Variants in DR1 observed in about 807,000 individuals in gnomAD.
DR1 encodes down-regulator of transcription 1, also known as protein Dr1.
A neutral mutation model predicts 19.9 loss-of-function variants in DR1; 7 were observed. The ratio of observed to expected loss-of-function variants is 0.35; its 90% confidence interval spans 0.20 to 0.66. The LOEUF is 0.66. Among genes scored for constraint, DR1 ranks in the 30% least tolerant of loss-of-function variants. The pLI is 0.66. For missense variants in DR1, 98 were observed against 203.7 expected (o/e 0.48, Z 3.16); for synonymous variants, 76 against 72.5 (o/e 1.05, Z -0.24).
rs55792701 is a variant in DR1, at chr1:93,362,826, CTTTTTTTT to C, written c.*2208_*2215del. ...GCAATATTTTATTTTTAGGTTTTTT[CTTTTTTTT>C]TTTTTTTTTTTTTTTTTTTTAGCAT... is the stretch of plus-strand genomic sequence containing the variant. On this transcript the variant is annotated 3_prime_UTR_variant, in exon 3 of 3. Transcript: ENST00000370272. 4.4e-4 allele frequency: 23 copies of C among 52,870 alleles called. No homozygotes were observed. The highest frequency in any genetic ancestry group is 1.7e-3 in the African/African-American group (21 of 12,652). The allele number at this position is 52,870 out of a possible 1,614,324, so 3.3% of individuals were successfully genotyped here.
intron 2 of DR1, 100 bp from the exon 3 acceptor site, chr1:93,360,392 TA>T: frequency 1.8e-6 from 2 of 1,111,642 alleles, no homozygotes; most frequent in Non-Finnish European, 2.5e-6. Context: ...CCAAGTATGA[TA>T]ATAAACTGTC....
rs932240494 is a variant in DR1 at position 93,364,640 on chromosome 1, A to G, written c.*4001A>G. 4.6e-5 allele frequency: 7 copies of G among 152,184 alleles called. No homozygotes were observed. The highest frequency in any genetic ancestry group is 2.0e-4 in the Admixed American group (3 of 15,276). 9.4% of individuals were successfully genotyped at this position (152,184 alleles called of 1,614,324 possible). A position where few individuals can be genotyped will look rare whatever the true frequency, so the allele number is the denominator to read the frequency against. On this transcript the variant is annotated 3_prime_UTR_variant, in exon 3 of 3. Coordinates refer to ENST00000370272, the MANE Select transcript of DR1 (RefSeq NM_001938.3). ...TCTGTTTTTCACCATCCCCCAGGATATAAAGTGTCATGGTTAGGATCGGCC... is the reference window on the plus strand; with the variant it reads ...TCTGTTTTTCACCATCCCCCAGGATGTAAAGTGTCATGGTTAGGATCGGCC...
intron 2 of DR1, among the ~76,000 whole-genome samples, chr1:93,358,609 G>A (rs1667021011): frequency 6.6e-6 from 1 of 152,096 alleles, no homozygotes; most frequent in African/African-American, 2.4e-5. Flanking sequence ...TTCTTCCGAG[G>A]CCTGAGTTTC....
chr1:93,348,427 T>C (rs984865064), intron 1 of DR1, among the ~76,000 whole-genome samples: 1 of 152,090 alleles, frequency 6.6e-6, no homozygotes, highest in African/African-American at 2.4e-5. Flanking sequence ...CTAATGAAAA[T>C]TGCAAAAGAT....
chr1:93,350,043 G>A (rs1049027111), intron 1 of DR1, among the ~76,000 whole-genome samples: 1 of 152,044 alleles, frequency 6.6e-6, no homozygotes, highest in African/African-American at 2.4e-5. Flanking sequence ...TTTTTCCGAA[G>A]GGACACATCT....
At chr1:93,356,477 G>A (rs540670549) in intron 2 of DR1, among the ~76,000 whole-genome samples, 3 of 152,118 alleles carry the variant, frequency 2.0e-5, no homozygotes, top group South Asian at 4.1e-4. Flanking sequence ...ATACAGGGCC[G>A]TGGTAGCTAA....
At position 93,360,815 on chromosome 1, in the gene DR1, T is replaced by C. The variant is rs1667043162; in HGVS notation, c.*176T>C. 1 of 657,770 alleles carries C rather than the reference T, an allele frequency of 1.5e-6. No homozygotes were observed. The highest frequency in any genetic ancestry group is 1.9e-5 in the African/African-American group (1 of 51,908). The allele number at this position is 657,770 out of a possible 1,614,324, so 40.7% of individuals were successfully genotyped here. ...GTGTGCTATACATGTAAAAACTGTC[T>C]CTTTGAACTATTGAAAATTTAAGGT... On this transcript the variant is annotated 3_prime_UTR_variant, in exon 3 of 3. Coordinates refer to ENST00000370272, the MANE Select transcript of DR1 (RefSeq NM_001938.3).
chr1:93,348,082 T>C (rs1199670359), intron 1 of DR1, among the ~76,000 whole-genome samples: 1 of 152,160 alleles, frequency 6.6e-6, no homozygotes, highest in East Asian at 1.9e-4. Context: ...ACAAAAGGAT[T>C]AAATGATTCA....
At position 93,368,003 on chromosome 1, in the gene DR1, TC is replaced by T. The variant is rs1667187867; in HGVS notation, c.*7365del. On this transcript the variant is annotated 3_prime_UTR_variant, in exon 3 of 3. Transcript: ENST00000370272. ...TCCAGCCTGACAACAGAGCAAGACT[TC>T]GTCTCAAAAAAACAAACAAAAAAAG... 1 of 152,164 alleles carries T rather than the reference TC, an allele frequency of 6.6e-6. No homozygotes were observed. The highest frequency in any genetic ancestry group is 2.4e-5 in the African/African-American group (1 of 41,438). The allele number at this position is 152,164 out of a possible 1,614,324, so 9.4% of individuals were successfully genotyped here.
chr1:93,358,354 G>A (rs1667015109), intron 2 of DR1, among the ~76,000 whole-genome samples: 1 of 152,102 alleles, frequency 6.6e-6, no homozygotes, highest in Non-Finnish European at 1.5e-5. Context: ...TTGCATGGAT[G>A]GAGGAAGAGA....
chr1:93,353,179 A>G (rs1666937476), intron 1 of DR1, among the ~76,000 whole-genome samples: 1 of 152,136 alleles, frequency 6.6e-6, no homozygotes, highest in Admixed American at 6.5e-5. Flanking sequence ...ACAGGCATGA[A>G]CTACCATGCC....
intron 1 of DR1, among the ~76,000 whole-genome samples, chr1:93,352,512 C>T (rs1666926488): frequency 6.6e-6 from 1 of 152,206 alleles, no homozygotes; most frequent in Non-Finnish European, 1.5e-5. Context: ...TTGATGAAAA[C>T]AGCTTAACAT....
rs750521715 is a variant in DR1 at position 93,359,466 on chromosome 1, A to T, written c.385-1027A>T. Among the ~76,000 whole-genome samples, 244 of 152,322 alleles carry T rather than the reference A, an allele frequency of 1.6e-3. 1 individual carries two copies. Among genetic ancestry groups the T allele is most frequent in the Non-Finnish European group, 1.4e-3 (95 of 68,014 alleles). ...TAGGGAATTATGGTATATTAAATAG[A>T]GCATAAAATATGGCTTGGAAAGGTC... is the stretch of plus-strand genomic sequence containing the variant. On this transcript the variant is annotated intron_variant, in intron 2 of 2. Coordinates refer to ENST00000370272, the MANE Select transcript of DR1 (RefSeq NM_001938.3).
In DR1 at chr1:93,346,467, C is replaced by T. The variant is rs1570706925; in HGVS notation, c.-179C>T. 1.7e-6 allele frequency: 1 copy of T among 605,328 alleles called. No individual in the cohort carries two copies. The highest frequency in any genetic ancestry group is 2.8e-5 in the East Asian group (1 of 36,196). 37.5% of individuals were successfully genotyped at this position (605,328 alleles called of 1,614,324 possible). A position where few individuals can be genotyped will look rare whatever the true frequency, so the allele number is the denominator to read the frequency against. On this transcript the variant is annotated 5_prime_UTR_variant, in exon 1 of 3. Transcript: ENST00000370272. ...TCCCAAACTCATCCTAAATCTCTCA[C>T]ACACGCGAGTGTTCCCAGCCCTCAA...
intron 2 of DR1, among the ~76,000 whole-genome samples, chr1:93,354,373 G>C (rs1311020113): frequency 1.3e-5 from 2 of 152,098 alleles, no homozygotes; most frequent in Non-Finnish European, 2.9e-5. Context: ...TTAAAATGAT[G>C]AGCTGATGAG....
intron 1 of DR1, 50 bp downstream of exon 1, chr1:93,346,915 T>G (rs376175571): frequency 2.7e-6 from 4 of 1,486,488 alleles, no homozygotes; most frequent in Admixed American, 1.9e-5. Flanking sequence ...GGTAGCAGTC[T>G]GCTAATCGCG....
At position 93,354,016 on chromosome 1, in the gene DR1, A is replaced by T; in HGVS notation, c.329A>T (p.Asn110Ile). Residue 110 changes from asparagine (N) to isoleucine (I), a missense_variant, in exon 2 of 3, where the codon AAC becomes ATC. By Grantham distance (149) the Asn-to-Ile change is moderately radical. Coordinates refer to ENST00000370272, the MANE Select transcript of DR1 (RefSeq NM_001938.3). ...AGAAAGGCCAGTTCTCGTTTGGAAA[A>T]CCTTGGCATTCCTGAAGAAGAGTTA... ...KRRKASSRLE[N>I]LGIPEEELLR... 1 of 1,613,848 alleles carries T rather than the reference A, an allele frequency of 6.2e-7. No individual in the cohort carries two copies. The highest frequency in any genetic ancestry group is 8.5e-7 in the Non-Finnish European group (1 of 1,179,866).
In DR1 at chr1:93,369,193, G is replaced by A. The variant is rs1667204202; in HGVS notation, c.*8554G>A. 6.6e-6 allele frequency: 1 copy of A among 152,028 alleles called. No individual in the cohort carries two copies. Among genetic ancestry groups the A allele is most frequent in the African/African-American group, 2.4e-5 (1 of 41,382 alleles). 9.4% of individuals were successfully genotyped at this position (152,028 alleles called of 1,614,324 possible). A position where few individuals can be genotyped will look rare whatever the true frequency, so the allele number is the denominator to read the frequency against. ...GTGAAGGATTTGAACCCCAATGTAA[G>A]TAATTATGAAAACTATTTTTCTTCC... On this transcript the variant is annotated 3_prime_UTR_variant, in exon 3 of 3. Coordinates refer to ENST00000370272, the MANE Select transcript of DR1 (RefSeq NM_001938.3).
At position 93,346,640 on chromosome 1, in the gene DR1, G is replaced by A. The variant is rs1378180641; in HGVS notation, c.-6G>A. Reference sequence around the variant, plus strand: ...AAAGCCGGGGCGCGAGAAACAGGAAGGTACTATGGCTTCCTCGTCTGGCAA... The same window carrying A: ...AAAGCCGGGGCGCGAGAAACAGGAAAGTACTATGGCTTCCTCGTCTGGCAA... On this transcript the variant is annotated 5_prime_UTR_variant, in exon 1 of 3. Coordinates refer to ENST00000370272, the MANE Select transcript of DR1 (RefSeq NM_001938.3). The A allele has an allele frequency of 1.2e-6, 2 of 1,612,666 alleles. No homozygotes were observed. The highest frequency in any genetic ancestry group is 4.5e-5 in the East Asian group (2 of 44,862).
Sources: allele counts gnomAD v4.1 joint callset (sites outside exome capture counted in the v4.1 genomes callset), GRCh38; gene constraint gnomAD v4.1.1; transcripts MANE v1.5; gene names NCBI Gene and HGNC (gene_info 2026-07-23, HGNC 2026-07-21).